Variants in ENAH observed in about 807,000 individuals in gnomAD.
ENAH encodes the protein protein enabled homolog.
ENAH carries 23 observed loss-of-function variants against 78.7 expected under a neutral mutation model. The observed-to-expected ratio is 0.29, with a 90% CI of 0.21 to 0.41. ENAH has a LOEUF of 0.41. Ranked by LOEUF, ENAH falls within the 10% of genes least tolerant of loss-of-function variation. The pLI, the probability that ENAH is intolerant of heterozygous loss-of-function variation, is 1.00. For synonymous variants in ENAH, 226 were observed against 241.0 expected, an observed-to-expected ratio of 0.94 and a Z score of 0.58; for missense variants, 544 against 691.0, an observed-to-expected ratio of 0.79 and a Z score of 2.39.
intron 3 of ENAH, chr1:225,535,588 A>T: frequency 7.7e-7 from 1 of 1,293,872 alleles, no homozygotes; most frequent in Non-Finnish European, 1.0e-6. Flanking sequence ...TTGGTGTTAG[A>T]AGCTTCGAAG....
chr1:225,647,366 G>A (rs968490105), intron 1 of ENAH, among the ~76,000 whole-genome samples: 1 of 152,152 alleles, frequency 6.6e-6, no homozygotes, highest in Admixed American at 6.6e-5. Flanking sequence ...ACAGATTGAT[G>A]GCCCTTTCAG....
intron 1 of ENAH, among the ~76,000 whole-genome samples, chr1:225,623,999 T>A (rs1287517248): frequency 2.0e-5 from 3 of 152,248 alleles, no homozygotes; most frequent in Non-Finnish European, 4.4e-5. Flanking sequence ...TAGCTCCTAC[T>A]TATAAGTGAG....
intron 1 of ENAH, among the ~76,000 whole-genome samples, chr1:225,639,471 G>A (rs565930822): frequency 2.6e-5 from 4 of 152,182 alleles, no homozygotes; most frequent in Admixed American, 2.6e-4. Context: ...TGATGGGAGT[G>A]GGTTAGTTAC....
At chr1:225,542,256 A>G (rs904259773) in intron 3 of ENAH, among the ~76,000 whole-genome samples, 1 of 152,210 alleles carries the variant, frequency 6.6e-6, no homozygotes, top group African/African-American at 2.4e-5. Flanking sequence ...CATGACCCCA[A>G]ATGTTTGGAA....
chr1:225,558,116 C>T (rs1181393103), intron 2 of ENAH, among the ~76,000 whole-genome samples: 4 of 151,994 alleles, frequency 2.6e-5, no homozygotes, highest in Admixed American at 1.3e-4. Flanking sequence ...TTTGATATTG[C>T]TCTGTTTGAA....
chr1:225,599,740 G>A (rs1415431508), intron 1 of ENAH, among the ~76,000 whole-genome samples: 2 of 147,742 alleles, frequency 1.4e-5, no homozygotes, highest in East Asian at 2.0e-4. Flanking sequence ...AGGTTGCCGT[G>A]AGCCAAGATT....
intron 3 of ENAH, among the ~76,000 whole-genome samples, chr1:225,553,699 G>A (rs184763787): frequency 5.3e-5 from 8 of 152,222 alleles, no homozygotes; most frequent in Non-Finnish European, 1.0e-4. Flanking sequence ...GAAGTACAGA[G>A]ACTTAGAGAA....
intron 12 of ENAH, 113 bp downstream of exon 12, chr1:225,500,879 T>C (rs920750534): frequency 6.2e-6 from 6 of 963,782 alleles, no homozygotes; most frequent in Non-Finnish European, 9.4e-6. Flanking sequence ...TGTATAACAA[T>C]AGCTCTATCG....
In ENAH at chr1:225,514,810, C is replaced by T; in HGVS notation, c.1004G>A (p.Gly335Glu). 1 of 1,388,188 alleles carries T rather than the reference C, an allele frequency of 7.2e-7. No individual in the cohort carries two copies. Among genetic ancestry groups the T allele is most frequent in the Non-Finnish European group, 9.3e-7 (1 of 1,076,592 alleles). The allele number at this position is 1,388,188 out of a possible 1,614,324, so 86.0% of individuals were successfully genotyped here. ...QASVALPPPP[G>E]PPPPPPLPST... is the part of the protein sequence containing the mutation. ...TGGGAGTGGAGGAGGTGGAGGGGGC[C>T]CTGGGGGAGGAGGGAGGGCTACTGA... The change falls in exon 7 of 14, where the codon GGG (glycine) becomes GAG (glutamate). Residue 335 changes from glycine to glutamate, a missense_variant. By Grantham distance (98) the Gly-to-Glu change is moderately conservative. This residue lies in a region of ENAH where 366 missense variants were observed against 396.1 expected (regional missense o/e 0.92). Coordinates refer to ENST00000366843, the MANE Select transcript of ENAH (RefSeq NM_018212.6).
chr1:225,626,958 G>A (rs941561939), intron 1 of ENAH, among the ~76,000 whole-genome samples: 5 of 152,228 alleles, frequency 3.3e-5, no homozygotes, highest in African/African-American at 2.4e-5. Flanking sequence ...GGTATTTCAC[G>A]ACACAAGTAC....
chr1:225,492,821 AT>A lies in ENAH; in HGVS notation c.*4953del, dbSNP rs982390017. On this transcript the variant is annotated 3_prime_UTR_variant, in exon 14 of 14. Coordinates refer to ENST00000366843, the MANE Select transcript of ENAH (RefSeq NM_018212.6). ...GAAATAACCAATAAATGTGGCAGAC[AT>A]TCTTACAACATCCTAAGTCATTATG... is the stretch of plus-strand genomic sequence containing the variant. 2.5e-4 allele frequency: 37 copies of A among 147,340 alleles called. No individual in the cohort carries two copies. Among genetic ancestry groups the A allele is most frequent in the African/African-American group, 9.3e-4 (37 of 39,634 alleles). 9.1% of individuals were successfully genotyped at this position (147,340 alleles called of 1,614,324 possible). A position where few individuals can be genotyped will look rare whatever the true frequency, so the allele number is the denominator to read the frequency against.
At chr1:225,561,791 T>C (rs1164734331) in intron 2 of ENAH, among the ~76,000 whole-genome samples, 1 of 152,094 alleles carries the variant, frequency 6.6e-6, no homozygotes, top group Non-Finnish European at 1.5e-5. Context: ...TGACGTTCCA[T>C]CTCACACATG....
rs924389901 is a variant in ENAH, at chr1:225,489,946, C to T, written c.*7829G>A. ...CCTGGATGACAGAGCGAGACTGTCTCGAAATAATAATAATAACAATAATAA... is the reference window on the plus strand; with the variant it reads ...CCTGGATGACAGAGCGAGACTGTCTTGAAATAATAATAATAACAATAATAA... On this transcript the variant is annotated 3_prime_UTR_variant, in exon 14 of 14. Transcript: ENST00000366843. The T allele has an allele frequency of 1.3e-5, 2 of 151,594 alleles. No individual in the cohort carries two copies. Among genetic ancestry groups the T allele is most frequent in the African/African-American group, 4.9e-5 (2 of 41,192 alleles). 9.4% of individuals were successfully genotyped at this position (151,594 alleles called of 1,614,324 possible). A position where few individuals can be genotyped will look rare whatever the true frequency, so the allele number is the denominator to read the frequency against.
intron 3 of ENAH, among the ~76,000 whole-genome samples, chr1:225,544,110 T>G (rs2096602155): frequency 6.6e-6 from 1 of 152,224 alleles, no homozygotes; most frequent in Non-Finnish European, 1.5e-5. Flanking sequence ...TCATCTCTTA[T>G]CATCAGTGGA....
chr1:225,646,711 C>G (rs1306714138), intron 1 of ENAH, among the ~76,000 whole-genome samples: 1 of 151,912 alleles, frequency 6.6e-6, no homozygotes, highest in Non-Finnish European at 1.5e-5. Context: ...ATGGTGTGAA[C>G]CCGGGAGGCA....
At chr1:225,505,403 G>T (rs924261419) in intron 11 of ENAH, among the ~76,000 whole-genome samples, 12 of 152,142 alleles carry the variant, frequency 7.9e-5, no homozygotes. Flanking sequence ...AATAACCACA[G>T]ATGAATGCAC....
intron 1 of ENAH, among the ~76,000 whole-genome samples, chr1:225,568,258 G>A (rs1233168148): frequency 1.3e-5 from 2 of 152,262 alleles, no homozygotes; most frequent in South Asian, 2.1e-4. Context: ...CGCCAGGCAC[G>A]ATGGCTCAAT....
At chr1:225,614,978 CCT>C (rs2097016461) in intron 1 of ENAH, among the ~76,000 whole-genome samples, 1 of 151,986 alleles carries the variant, frequency 6.6e-6, no homozygotes, top group African/African-American at 2.4e-5. Context: ...TACTTTTCTC[CCT>C]CTCCCTCTCC....
chr1:225,564,351 G>A (rs572517146), intron 2 of ENAH, among the ~76,000 whole-genome samples: 25 of 151,652 alleles, frequency 1.6e-4, no homozygotes, highest in South Asian at 8.3e-4. Context: ...GTGCAATGGC[G>A]CAATCTCGGC....
Sources: allele counts gnomAD v4.1 joint callset (sites outside exome capture counted in the v4.1 genomes callset), GRCh38; gene constraint gnomAD v4.1.1; regional missense constraint gnomAD v4.1.1; transcripts MANE v1.5; gene names NCBI Gene and HGNC (gene_info 2026-07-23, HGNC 2026-07-21).